The following SPAG6 variants were observed in gnomAD, a reference collection of about 807,000 sequenced individuals.
The protein encoded by SPAG6 is sperm associated antigen 6.
In SPAG6, 49 loss-of-function variants were observed where a neutral mutation model predicts 58.5. The ratio of observed to expected loss-of-function variants is 0.84; its 90% CI spans 0.67 to 1.06. The LOEUF is 1.06. Ranked by LOEUF, SPAG6 falls within the 50% of genes least tolerant of loss-of-function variation. The probability of loss-of-function intolerance (pLI) is 0.00; values close to 1 mark genes in which losing one functional copy is unlikely to be tolerated. For synonymous variants in SPAG6, 233 were observed against 225.6 expected, an observed-to-expected ratio of 1.03 and a Z score of -0.29; for missense variants, 560 against 611.3, an observed-to-expected ratio of 0.92 and a Z score of 0.89.
At chr10:22,384,654 G>A (rs991513156) in intron 4 of SPAG6, among the ~76,000 whole-genome samples, 1 of 152,146 alleles carries the variant, frequency 6.6e-6, no homozygotes, top group African/African-American at 2.4e-5. Context: ...AAAATTGCTA[G>A]GCCCACTTTA....
chr10:22,370,671 G>A (rs1455567375), intron 4 of SPAG6, among the ~76,000 whole-genome samples: 3 of 152,128 alleles, frequency 2.0e-5, no homozygotes, highest in Non-Finnish European at 2.9e-5. Context: ...GACAACTCTT[G>A]TCATGCTTAG....
chr10:22,346,513 CTCT>C (rs1353996396), intron 2 of SPAG6, among the ~76,000 whole-genome samples: 53 of 71,310 alleles, frequency 7.4e-4, no homozygotes, highest in Admixed American at 1.7e-3. Context: ...CTTCTTCTTC[CTCT>C]TCTTCTTCTT....
At chr10:22,413,347 C>G (rs138912201) in intron 10 of SPAG6, among the ~76,000 whole-genome samples, 6 of 151,958 alleles carry the variant, frequency 3.9e-5, no homozygotes, top group Non-Finnish European at 7.4e-5. Context: ...TCCTGGCTAA[C>G]ACGGTGAAAC....
chr10:22,413,092 C>CTAAAG (rs1834781920), intron 10 of SPAG6: 2 of 93,142 alleles, frequency 2.1e-5, no homozygotes, highest in Non-Finnish European at 3.9e-5. Context: ...AAAAAAAGAA[C>CTAAAG]TAAAGTGTCC....
At chr10:22,402,770 C>A (rs1460155690) in intron 9 of SPAG6, among the ~76,000 whole-genome samples, 2 of 152,056 alleles carry the variant, frequency 1.3e-5, no homozygotes, top group Non-Finnish European at 2.9e-5. Context: ...GAAATTGATC[C>A]ATTTCTTTAT....
At chr10:22,403,377 A>G (rs1450911565) in intron 9 of SPAG6, among the ~76,000 whole-genome samples, 2 of 152,102 alleles carry the variant, frequency 1.3e-5, no homozygotes, top group African/African-American at 2.4e-5. Flanking sequence ...GAGTGAGAAT[A>G]TGCGGTGTTT....
chr10:22,346,497 T>TTCTTCTTCTTTCTTCTTTCTTC (rs1554776508), intron 2 of SPAG6, among the ~76,000 whole-genome samples: 2 of 74,378 alleles, frequency 2.7e-5, no homozygotes, highest in African/African-American at 1.1e-4. Flanking sequence ...CTTCTTCTTC[T>TTCTTCTTCTTTCTTCTTTCTTC]TTCTTCTTCT....
intron 2 of SPAG6, among the ~76,000 whole-genome samples, chr10:22,351,686 C>T (rs1230090325): frequency 6.6e-6 from 1 of 152,048 alleles, no homozygotes; most frequent in African/African-American, 2.4e-5. Context: ...GTTGTACTAG[C>T]CTTAGGAGAA....
At chr10:22,403,288 C>A (rs960747006) in intron 9 of SPAG6, among the ~76,000 whole-genome samples, 1 of 152,146 alleles carries the variant, frequency 6.6e-6, no homozygotes, top group Admixed American at 6.5e-5. Flanking sequence ...TCCCCCCAAC[C>A]CCCATCCCAC....
chr10:22,359,151 C>G (rs7893132), intron 2 of SPAG6, among the ~76,000 whole-genome samples: 14,420 of 152,062 alleles, frequency 0.095, 1,871 homozygotes, highest in African/African-American at 0.3. Flanking sequence ...TATTGGACCC[C>G]AGAAAGAATG....
intron 2 of SPAG6, among the ~76,000 whole-genome samples, chr10:22,351,329 A>AG (rs1836721826): frequency 6.6e-6 from 1 of 152,200 alleles, no homozygotes; most frequent in Non-Finnish European, 1.5e-5. Flanking sequence ...AATCTTAATC[A>AG]AACCAGGAGC....
chr10:22,407,916 C>G (rs1441491708), intron 9 of SPAG6, among the ~76,000 whole-genome samples: 1 of 150,448 alleles, frequency 6.6e-6, no homozygotes, highest in Non-Finnish European at 1.5e-5. Flanking sequence ...ACCCTTTCTT[C>G]CAGTTGATCG....
Position 22,386,838 on chromosome 10 carries a change from T to C in SPAG6, c.557T>C (p.Ile186Thr), listed in dbSNP as rs762549806. 5.5e-5 allele frequency: 89 copies of C among 1,613,610 alleles called. No individual in the cohort carries two copies. The highest frequency in any genetic ancestry group is 7.4e-5 in the Non-Finnish European group (87 of 1,179,702). The change falls in exon 5 of 11, where the codon ATT becomes ACT. Residue 186 changes from isoleucine to threonine, a missense_variant. Coordinates refer to ENST00000376624, the MANE Select transcript of SPAG6 (RefSeq NM_012443.4). ...GAGCCAGAAATTGCTTTGAAAAGGATTGCTGCTTCGGCCCTCAGTGATATT... is the reference window on the plus strand; with the variant it reads ...GAGCCAGAAATTGCTTTGAAAAGGACTGCTGCTTCGGCCCTCAGTGATATT... Reference protein sequence around the residue: ...IQEPEIALKRIAASALSDIAK... With the variant: ...IQEPEIALKRTAASALSDIAK...
intron 4 of SPAG6, among the ~76,000 whole-genome samples, chr10:22,369,444 A>C (rs189018432): frequency 4.9e-4 from 74 of 152,366 alleles, no homozygotes; most frequent in African/African-American, 1.6e-3. Context: ...CTTTGCTAGT[A>C]ATCAACAAAT....
chr10:22,362,780 C>G (rs1219661092), intron 2 of SPAG6, among the ~76,000 whole-genome samples: 4 of 151,890 alleles, frequency 2.6e-5, no homozygotes, highest in African/African-American at 9.7e-5. Flanking sequence ...ACGATAATGA[C>G]AATACAATGT....
rs183249100 is a variant in SPAG6, at chr10:22,394,484, C to G, written c.1197+2564C>G. ...ATTGAGCTATAGTTCACATGCCATACCTTTATCCATTTAAAGTGTACCATT... is the reference window on the plus strand; with the variant it reads ...ATTGAGCTATAGTTCACATGCCATAGCTTTATCCATTTAAAGTGTACCATT... On this transcript the variant is annotated intron_variant, in intron 8 of 10. Coordinates refer to ENST00000376624, the MANE Select transcript of SPAG6 (RefSeq NM_012443.4). Among the ~76,000 whole-genome samples, 5 of 152,214 alleles carry G rather than the reference C, an allele frequency of 3.3e-5. No homozygotes were observed. The South Asian group carries it at 8.3e-4, about 25-fold the overall frequency.
chr10:22,352,611 A>C (rs536240350), intron 2 of SPAG6, among the ~76,000 whole-genome samples: 1 of 152,316 alleles, frequency 6.6e-6, no homozygotes, highest in South Asian at 2.1e-4. Context: ...TCCACCACCC[A>C]GGTTCAAGTG....
intron 2 of SPAG6, among the ~76,000 whole-genome samples, chr10:22,360,221 G>T (rs1483954874): frequency 6.6e-6 from 1 of 151,642 alleles, no homozygotes; most frequent in African/African-American, 2.4e-5. Flanking sequence ...TGCTTGCTAT[G>T]TGGTTAACCC....
intron 4 of SPAG6, among the ~76,000 whole-genome samples, chr10:22,371,546 C>T (rs562772868): frequency 3.3e-5 from 5 of 152,212 alleles, no homozygotes; most frequent in African/African-American, 4.8e-5. Context: ...CTACTGCGTC[C>T]GGCTTTTGTT....
Sources: gnomAD v4.1 joint callset for allele counts (sites outside exome capture counted in the v4.1 genomes callset) on GRCh38, gnomAD v4.1.1 for gene constraint, MANE v1.5 for transcripts, NCBI Gene and HGNC (gene_info 2026-07-23, HGNC 2026-07-21) for gene names.